DLG2: variants seen among roughly 807,000 people sequenced by gnomAD.
DLG2 encodes discs large MAGUK scaffold protein 2.
DLG2 carries 45 observed loss-of-function variants against 132.5 expected under a neutral mutation model. The ratio of observed to expected loss-of-function variants is 0.34; its 90% confidence interval spans 0.27 to 0.44. The LOEUF is 0.44. DLG2 is among the 20% of genes least tolerant of loss of function. DLG2 has a pLI of 1.00. For synonymous variants in DLG2, 424 were observed against 419.6 expected, an observed-to-expected ratio of 1.01 and a Z score of -0.13; for missense variants, 1,045 against 1,196.9, an observed-to-expected ratio of 0.87 and a Z score of 1.87.
At chr11:83,807,706 T>C (rs530030516) in intron 17 of DLG2, among the ~76,000 whole-genome samples, 25 of 152,278 alleles carry the variant, frequency 1.6e-4, no homozygotes, top group African/African-American at 5.8e-4. Flanking sequence ...AGATCACTAA[T>C]AAAGATAATA....
chr11:83,631,162 T>C (rs2063480865), intron 19 of DLG2: 1 of 144,014 alleles, frequency 6.9e-6, no homozygotes, highest in Non-Finnish European at 1.5e-5. Context: ...AGGCCTTGCT[T>C]CTTGCTTTTT....
In DLG2 at chr11:83,541,785, T is replaced by C. The variant is rs1461326052; in HGVS notation, c.2014A>G (p.Ile672Val). 6.2e-7 allele frequency: 1 copy of C among 1,613,400 alleles called. No individual in the cohort carries two copies. The highest frequency in any genetic ancestry group is 8.5e-7 in the Non-Finnish European group (1 of 1,179,568). Residue 672 changes from isoleucine (I) to valine (V), a missense_variant, in exon 20 of 28, where the codon ATT (isoleucine) becomes GTT (valine). By Grantham distance (29) the Ile-to-Val change is conservative. This residue lies in a region of DLG2 where 398 missense variants were observed against 543.6 expected (regional missense o/e 0.73). Transcript: ENST00000376104. ...SQGLSFKYGD[I>V]LHVINASDDE... ...TCAGAGGCATTGATAACGTGGAGAA[T>C]ATCTCCATATTTAAAACTAAGTCCT...
At chr11:84,265,693 GGTAGTA>G (rs371461570) in intron 7 of DLG2, among the ~76,000 whole-genome samples, 1 of 151,828 alleles carries the variant, frequency 6.6e-6, no homozygotes, top group Non-Finnish European at 1.5e-5. Flanking sequence ...AAGGAAGATA[GGTAGTA>G]GTAGTAGTAG....
intron 5 of DLG2, among the ~76,000 whole-genome samples, chr11:85,143,730 T>C (rs1005993652): frequency 6.6e-6 from 1 of 151,902 alleles, no homozygotes; most frequent in African/African-American, 2.4e-5. Flanking sequence ...TGTGTTTGTA[T>C]AGTTTCCAAA....
intron 5 of DLG2, among the ~76,000 whole-genome samples, chr11:85,114,198 T>A (rs958329442): frequency 3.3e-5 from 5 of 151,998 alleles, no homozygotes; most frequent in African/African-American, 1.2e-4. Context: ...GTTTTTAACA[T>A]TTAATGTGTA....
chr11:84,120,259 G>A (rs972297372), intron 9 of DLG2, among the ~76,000 whole-genome samples: 1 of 152,114 alleles, frequency 6.6e-6, no homozygotes. Flanking sequence ...TTACATACCA[G>A]TATGCAACCT....
chr11:85,191,734 T>C (rs193155183), intron 4 of DLG2, among the ~76,000 whole-genome samples: 11 of 152,242 alleles, frequency 7.2e-5, no homozygotes, highest in Admixed American at 5.9e-4. Flanking sequence ...TTTTCCTCCA[T>C]CCACAGATAT....
At chr11:83,636,764 T>C (rs1274366740) in intron 18 of DLG2, among the ~76,000 whole-genome samples, 1 of 152,166 alleles carries the variant, frequency 6.6e-6, no homozygotes, top group African/African-American at 2.4e-5. Flanking sequence ...ATACCCAAAA[T>C]GTTTTCTGCC....
At chr11:85,469,876 G>C (rs1010763199) in intron 3 of DLG2, among the ~76,000 whole-genome samples, 2 of 152,098 alleles carry the variant, frequency 1.3e-5, no homozygotes, top group South Asian at 4.1e-4. Context: ...CAGTAAATAT[G>C]ACCCACCTAA....
At chr11:83,640,466 TA>T (rs752956319) in intron 18 of DLG2, among the ~76,000 whole-genome samples, 33 of 152,314 alleles carry the variant, frequency 2.2e-4, no homozygotes, top group Admixed American at 1.8e-3. Flanking sequence ...GCAGAGCATG[TA>T]ATCACTGCTC....
At chr11:84,716,070 C>G (rs1211360620) in intron 6 of DLG2, among the ~76,000 whole-genome samples, 1 of 152,076 alleles carries the variant, frequency 6.6e-6, no homozygotes, top group Admixed American at 6.6e-5. Flanking sequence ...CTTGACAACA[C>G]TGGTTACCTC....
chr11:84,407,729 T>C (rs1407746311), intron 7 of DLG2, among the ~76,000 whole-genome samples: 1 of 152,234 alleles, frequency 6.6e-6, no homozygotes, highest in African/African-American at 2.4e-5. Context: ...CACTCTGATT[T>C]CACAGATAAG....
At chr11:85,044,050 A>G (rs368106951) in intron 6 of DLG2, among the ~76,000 whole-genome samples, 6 of 152,114 alleles carry the variant, frequency 3.9e-5, no homozygotes, top group African/African-American at 1.4e-4. Flanking sequence ...AAGTTTCTGA[A>G]TGGCCCCTGA....
intron 6 of DLG2, among the ~76,000 whole-genome samples, chr11:84,618,697 G>A (rs1463413371): frequency 6.6e-6 from 1 of 151,968 alleles, no homozygotes; most frequent in South Asian, 2.1e-4. Flanking sequence ...GGAAGAAAAC[G>A]TCTCCATATT....
At chr11:84,315,783 A>G (rs747069452) in intron 7 of DLG2, among the ~76,000 whole-genome samples, 10 of 152,266 alleles carry the variant, frequency 6.6e-5, no homozygotes, top group Non-Finnish European at 1.5e-4. Context: ...TATTATTAAG[A>G]CCAGTGATAA....
intron 6 of DLG2, among the ~76,000 whole-genome samples, chr11:84,697,606 T>G (rs1015254684): frequency 2.0e-5 from 3 of 151,502 alleles, no homozygotes; most frequent in Non-Finnish European, 4.4e-5. Context: ...CCAGGCCTTT[T>G]CCATGTATTA....
chr11:84,004,666 G>C (rs560089616), intron 11 of DLG2, among the ~76,000 whole-genome samples: 1 of 151,914 alleles, frequency 6.6e-6, no homozygotes, highest in South Asian at 2.1e-4. Context: ...AATTCAGAAG[G>C]CAATTTCATT....
At chr11:83,886,866 T>G (rs1254984876) in intron 15 of DLG2, among the ~76,000 whole-genome samples, 2 of 150,046 alleles carry the variant, frequency 1.3e-5, no homozygotes, top group Non-Finnish European at 2.9e-5. Flanking sequence ...CATAACGAAA[T>G]GAAGGCAGAA....
intron 4 of DLG2, among the ~76,000 whole-genome samples, chr11:85,184,361 T>C (rs1036602202): frequency 6.6e-6 from 1 of 151,252 alleles, no homozygotes; most frequent in Non-Finnish European, 1.5e-5. Context: ...TTTTTTTTTT[T>C]AGGAACAGGT....
Sources: gnomAD v4.1 joint callset for allele counts (sites outside exome capture counted in the v4.1 genomes callset) on GRCh38, gnomAD v4.1.1 for gene constraint, gnomAD v4.1.1 regional missense constraint, MANE v1.5 for transcripts, NCBI Gene and HGNC (gene_info 2026-07-23, HGNC 2026-07-21) for gene names.